Variants in DLGAP1 observed in about 807,000 individuals in gnomAD.
DLGAP1 encodes the protein disks large-associated protein 1.
Under a neutral mutation model 90.8 loss-of-function variants are expected in DLGAP1, and 11 were observed. The ratio of observed to expected loss-of-function variants is 0.12; its 90% CI spans 0.08 to 0.20. The LOEUF (loss-of-function observed/expected upper bound fraction) is 0.20. Among genes scored for constraint, DLGAP1 ranks in the 10% least tolerant of loss-of-function variants. DLGAP1 has a pLI of 1.00. For missense variants in DLGAP1, 1,050 were observed against 1,333.8 expected (o/e 0.79, Z 3.31); for synonymous variants, 558 against 540.7 (o/e 1.03, Z -0.44).
chr18:4,386,616 G>T (rs181844403), intron 1 of DLGAP1, among the ~76,000 whole-genome samples: 1 of 152,202 alleles, frequency 6.6e-6, no homozygotes, highest in African/African-American at 2.4e-5. Flanking sequence ...GTTAATACAG[G>T]TGATAATGGG....
intron 4 of DLGAP1, chr18:3,878,422 T>C (rs2071058090): frequency 6.6e-6 from 1 of 152,128 alleles, no homozygotes; most frequent in African/African-American, 2.4e-5. Context: ...GTGTGTGGGA[T>C]TTACATGCTG....
At chr18:3,948,868 A>G (rs1716119826) in intron 3 of DLGAP1, among the ~76,000 whole-genome samples, 1 of 152,158 alleles carries the variant, frequency 6.6e-6, no homozygotes, top group African/African-American at 2.4e-5. Flanking sequence ...AATCACCCCA[A>G]AGAACTTACT....
chr18:3,508,683 G>T, intron 10 of DLGAP1, 22 bp from the exon 11 acceptor site: 1 of 1,577,878 alleles, frequency 6.3e-7, no homozygotes, highest in Non-Finnish European at 8.7e-7. Context: ...AAACATACGA[G>T]AAATTTACAC....
chr18:3,728,039 G>A (rs2062250291), intron 7 of DLGAP1: 1 of 152,022 alleles, frequency 6.6e-6, no homozygotes, highest in Non-Finnish European at 1.5e-5. Flanking sequence ...ATTTTAACTT[G>A]GATTTGAGGA....
intron 2 of DLGAP1, among the ~76,000 whole-genome samples, chr18:4,063,484 C>G (rs983562086): frequency 6.6e-6 from 1 of 152,056 alleles, no homozygotes; most frequent in African/African-American, 2.4e-5. Context: ...TATTTTGAAA[C>G]AGCTATTGGT....
At chr18:4,332,611 A>C (rs1480339079) in intron 1 of DLGAP1, among the ~76,000 whole-genome samples, 1 of 151,958 alleles carries the variant, frequency 6.6e-6, no homozygotes, top group Admixed American at 6.6e-5. Context: ...TTAAAACTAG[A>C]GGCAGAATGG....
chr18:3,581,375 G>A (rs1182621243), intron 8 of DLGAP1, among the ~76,000 whole-genome samples: 1 of 152,148 alleles, frequency 6.6e-6, no homozygotes, highest in Non-Finnish European at 1.5e-5. Context: ...GGTGAGGTGG[G>A]AGAAGCCTCT....
Position 3,880,025 on chromosome 18 carries a change from G to A in DLGAP1, c.44C>T (p.Thr15Ile), listed in dbSNP as rs2071111301. The change falls in exon 4 of 13, where the codon ACC becomes ATC. Residue 15 changes from threonine (T) to isoleucine (I), a missense_variant. Thr to Ile is a moderately conservative substitution (Grantham distance 89). Coordinates refer to ENST00000315677, the MANE Select transcript of DLGAP1 (RefSeq NM_004746.4). Reference protein sequence around the residue: ...SGSRSHHHGVTCDSACDSLSH... With the variant: ...SGSRSHHHGVICDSACDSLSH... ...CAGCGAGTCACAGGCCGAGTCGCAG[G>A]TGACCCCGTGGTGATGGCTGCGGCT... 5 of 1,607,388 alleles carry A rather than the reference G, an allele frequency of 3.1e-6. No individual in the cohort carries two copies. The highest frequency in any genetic ancestry group is 4.2e-6 in the Non-Finnish European group (5 of 1,179,864).
At chr18:3,674,296 A>ATATATAT (rs1555623972) in intron 7 of DLGAP1, among the ~76,000 whole-genome samples, 23,169 of 128,744 alleles carry the variant, frequency 0.18, 2,681 homozygotes, top group East Asian at 0.43. Context: ...ATAATATTAA[A>ATATATAT]ATATATATAT....
chr18:3,742,272 C>A (rs1298463761), intron 6 of DLGAP1, 63 bp downstream of exon 6: 3 of 1,575,826 alleles, frequency 1.9e-6, no homozygotes, highest in Non-Finnish European at 2.6e-6. Context: ...CATGCCCTCT[C>A]AATTCTCACT....
At chr18:3,854,569 G>A (rs922869418) in intron 4 of DLGAP1, among the ~76,000 whole-genome samples, 11 of 152,182 alleles carry the variant, frequency 7.2e-5, no homozygotes, top group South Asian at 4.1e-4. Context: ...GACTACTAAC[G>A]TAAGTGGAGC....
chr18:4,448,501 T>G (rs1014294578), intron 1 of DLGAP1, among the ~76,000 whole-genome samples: 6 of 152,172 alleles, frequency 3.9e-5, no homozygotes, highest in Non-Finnish European at 7.4e-5. Context: ...TTTTCAATTA[T>G]CTATAAAGCA....
chr18:3,725,956 A>T (rs2062160755), intron 7 of DLGAP1, among the ~76,000 whole-genome samples: 1 of 152,218 alleles, frequency 6.6e-6, no homozygotes, highest in Non-Finnish European at 1.5e-5. Flanking sequence ...CAAGGCTGGA[A>T]GAGAAAGATT....
At chr18:4,242,076 A>G (rs1397615446) in intron 1 of DLGAP1, among the ~76,000 whole-genome samples, 1 of 152,168 alleles carries the variant, frequency 6.6e-6, no homozygotes, top group Non-Finnish European at 1.5e-5. Flanking sequence ...GGCGCCAGAC[A>G]TATCTGCTTC....
intron 2 of DLGAP1, among the ~76,000 whole-genome samples, chr18:4,057,002 C>T (rs1423744237): frequency 1.1e-5 from 1 of 93,936 alleles, no homozygotes; most frequent in Non-Finnish European, 2.1e-5. Context: ...ACTGACCATA[C>T]ATACACACAC....
At chr18:3,960,376 G>A (rs956200598) in intron 3 of DLGAP1, among the ~76,000 whole-genome samples, 5 of 151,966 alleles carry the variant, frequency 3.3e-5, no homozygotes, top group African/African-American at 1.2e-4. Flanking sequence ...ACTTTATAGA[G>A]TGCCTCTCCT....
chr18:3,716,864 C>T (rs1298810848), intron 7 of DLGAP1, among the ~76,000 whole-genome samples: 2 of 151,670 alleles, frequency 1.3e-5, no homozygotes, highest in African/African-American at 2.4e-5. Flanking sequence ...TGCAGTAGCT[C>T]GTGCCTTTAA....
intron 5 of DLGAP1, among the ~76,000 whole-genome samples, chr18:3,767,587 C>T (rs918205703): frequency 6.6e-6 from 1 of 151,948 alleles, no homozygotes; most frequent in Non-Finnish European, 1.5e-5. Flanking sequence ...ATGGGATATT[C>T]CACTTTCAGA....
intron 1 of DLGAP1, among the ~76,000 whole-genome samples, chr18:4,321,561 C>T (rs145139324): frequency 6.6e-6 from 1 of 152,300 alleles, no homozygotes; most frequent in African/African-American, 2.4e-5. Context: ...TCCAACTATA[C>T]AGACAGCAAT....
Sources: gnomAD v4.1 joint callset for allele counts (sites outside exome capture counted in the v4.1 genomes callset) on GRCh38, gnomAD v4.1.1 for gene constraint, MANE v1.5 for transcripts, NCBI Gene and HGNC (gene_info 2026-07-23, HGNC 2026-07-21) for gene names.